The following ZBTB8OS variants were observed in gnomAD, a reference collection of about 807,000 sequenced individuals.
ZBTB8OS encodes tRNA-splicing ligase-activating factor archease.
A neutral mutation model predicts 29.3 loss-of-function variants in ZBTB8OS; 16 were observed. The observed-to-expected ratio is 0.55, with a 90% CI of 0.37 to 0.83. The LOEUF (loss-of-function observed/expected upper bound fraction) is 0.83. Ranked by LOEUF, ZBTB8OS falls within the 40% of genes least tolerant of loss-of-function variation. ZBTB8OS has a pLI of 0.00. For synonymous variants in ZBTB8OS, 70 were observed against 64.6 expected (o/e 1.08, Z -0.40); for missense variants, 160 against 196.9 (o/e 0.81, Z 1.12).
Position 32,621,569 on chromosome 1 carries a change from G to A in ZBTB8OS, c.*293C>T, listed in dbSNP as rs1215742785. 2.4e-5 allele frequency: 8 copies of A among 335,416 alleles called. No individual in the cohort carries two copies. Among genetic ancestry groups the A allele is most frequent in the Non-Finnish European group, 4.3e-5 (8 of 185,790 alleles). 20.8% of individuals were successfully genotyped at this position (335,416 alleles called of 1,614,324 possible). A position where few individuals can be genotyped will look rare whatever the true frequency, so the allele number is the denominator to read the frequency against. ...TCTCTGGGGTGAGGCTGGAGGGCTT[G>A]CATTGCACTGGAAGGGCATGAGGCA... On this transcript the variant is annotated 3_prime_UTR_variant, in exon 7 of 7. Coordinates refer to ENST00000468695, the MANE Select transcript of ZBTB8OS (RefSeq NM_178547.5).
chr1:32,647,527 A>G (rs1226919503), intron 1 of ZBTB8OS, among the ~76,000 whole-genome samples: 1 of 152,078 alleles, frequency 6.6e-6, no homozygotes, highest in Non-Finnish European at 1.5e-5. Flanking sequence ...GTTAGGAACC[A>G]GGCAGCACAG....
intron 4 of ZBTB8OS, among the ~76,000 whole-genome samples, chr1:32,632,909 T>C (rs1417223721): frequency 2.0e-5 from 3 of 152,142 alleles, no homozygotes; most frequent in Non-Finnish European, 4.4e-5. Context: ...AAACTACTGG[T>C]AGGCACTTGA....
At chr1:32,636,717 G>A (rs1012377556) in intron 1 of ZBTB8OS, among the ~76,000 whole-genome samples, 3 of 151,644 alleles carry the variant, frequency 2.0e-5, no homozygotes, top group East Asian at 1.9e-4. Context: ...AGGTGGGGGG[G>A]AAGAAGAGGG....
intron 6 of ZBTB8OS, among the ~76,000 whole-genome samples, chr1:32,625,515 T>C (rs978542751): frequency 6.6e-6 from 1 of 151,770 alleles, no homozygotes. Flanking sequence ...GCCTGGGCAA[T>C]AGCATGAGAC....
chr1:32,631,806 TAAAAG>T lies in ZBTB8OS; in HGVS notation c.380+16_380+20del. 6.4e-7 allele frequency: 1 copy of T among 1,557,054 alleles called. No homozygotes were observed. Among genetic ancestry groups the T allele is most frequent in the East Asian group, 2.3e-5 (1 of 44,226 alleles). On this transcript the variant is annotated intron_variant, in intron 5 of 6. Coordinates refer to ENST00000468695, the MANE Select transcript of ZBTB8OS (RefSeq NM_178547.5). ...AAGAATATAACTTTAACTCGGTACT[TAAAAG>T]ACTTTCAAAACTTACCCAATTGATC...
intron 1 of ZBTB8OS, among the ~76,000 whole-genome samples, chr1:32,636,285 C>T (rs886449357): frequency 4.6e-5 from 7 of 152,206 alleles, no homozygotes; most frequent in African/African-American, 1.4e-4. Context: ...CGGTCTCAAG[C>T]ACAACCAGCT....
Position 32,633,717 on chromosome 1 carries a change from T to C in ZBTB8OS, c.255A>G (p.Leu85=). The C allele has an allele frequency of 1.2e-6, 2 of 1,605,478 alleles. No homozygotes were observed. Among genetic ancestry groups the C allele is most frequent in the Non-Finnish European group, 1.7e-6 (2 of 1,176,986 alleles). The change falls in exon 4 of 7, where the codon TTA becomes TTG. Residue 85 remains leucine (L), a synonymous_variant. Transcript: ENST00000468695. ...CCAAAAAGTGAAACAGAAGAGACTG[T>C]AAGTCATCTCCTACACAAGATCAAA... ...TVEVETQGDD[L]QSLLFHFLDE...
At chr1:32,635,214 C>T (rs3954228) in intron 1 of ZBTB8OS, among the ~76,000 whole-genome samples, 20,524 of 151,686 alleles carry the variant, frequency 0.14, 2,858 homozygotes, top group African/African-American at 0.35. Flanking sequence ...AAGTAACAAA[C>T]GGTACTATAG....
chr1:32,648,362 A>C (rs1647011930), intron 1 of ZBTB8OS, among the ~76,000 whole-genome samples: 1 of 152,218 alleles, frequency 6.6e-6, no homozygotes, highest in Admixed American at 6.5e-5. Flanking sequence ...GAAACAAAAA[A>C]AACTTGGAGA....
chr1:32,640,511 G>T (rs550530090), intron 1 of ZBTB8OS, among the ~76,000 whole-genome samples: 22 of 152,126 alleles, frequency 1.4e-4, no homozygotes, highest in African/African-American at 5.3e-4. Context: ...CACTTAGAAT[G>T]AATCTTTTTG....
At chr1:32,644,412 G>C (rs1314749316) in intron 1 of ZBTB8OS, among the ~76,000 whole-genome samples, 2 of 152,030 alleles carry the variant, frequency 1.3e-5, no homozygotes, top group African/African-American at 4.8e-5. Flanking sequence ...GGTGATTAAG[G>C]GAAAAGGGAG....
intron 1 of ZBTB8OS, among the ~76,000 whole-genome samples, chr1:32,636,265 A>G (rs1246389459): frequency 6.6e-6 from 1 of 152,194 alleles, no homozygotes; most frequent in Non-Finnish European, 1.5e-5. Context: ...TGATTTGAGT[A>G]ATAAAACTCC....
intron 1 of ZBTB8OS, among the ~76,000 whole-genome samples, chr1:32,649,256 C>T (rs1275935774): frequency 6.6e-6 from 1 of 152,042 alleles, no homozygotes; most frequent in Non-Finnish European, 1.5e-5. Context: ...GTGTGAGCCA[C>T]CGCAAACGGC....
At chr1:32,636,385 G>T (rs768751514) in intron 1 of ZBTB8OS, among the ~76,000 whole-genome samples, 3 of 152,032 alleles carry the variant, frequency 2.0e-5, no homozygotes, top group African/African-American at 4.8e-5. Context: ...CCATTGGGCG[G>T]TTACACTTAT....
Position 32,633,975 on chromosome 1 carries a change from G to C in ZBTB8OS, c.220C>G (p.Gln74Glu), listed in dbSNP as rs148631428. 1.4e-5 allele frequency: 23 copies of C among 1,589,488 alleles called. No homozygotes were observed. The African/African-American group carries it at 2.6e-4, about 18-fold the overall frequency. ...MTDTGTVEPL[Q>E]TVEVETQGDD... ...CCTTGGGTTTCTACTTCTACTGTTT[G>C]GAGGGGCTCCACTGTCCCAGTATCT... Residue 74 changes from glutamine to glutamate, a missense_variant, in exon 3 of 7, where the codon CAA becomes GAA. Physicochemically the swap from Gln to Glu is conservative, Grantham distance 29. Coordinates refer to ENST00000468695, the MANE Select transcript of ZBTB8OS (RefSeq NM_178547.5).
At chr1:32,625,671 G>T (rs754486208) in intron 6 of ZBTB8OS, among the ~76,000 whole-genome samples, 1 of 151,854 alleles carries the variant, frequency 6.6e-6, no homozygotes, top group African/African-American at 2.4e-5. Flanking sequence ...TAGGAGTTTC[G>T]GATCAGCCTG....
chr1:32,634,319 T>G (rs1045147758), intron 2 of ZBTB8OS: 14 of 316,866 alleles, frequency 4.4e-5, no homozygotes, highest in Middle Eastern at 8.7e-4. Context: ...CTCTGCCTCC[T>G]GGGTTCAAGC....
intron 6 of ZBTB8OS, among the ~76,000 whole-genome samples, chr1:32,624,342 T>G (rs1480650091): frequency 6.6e-6 from 1 of 152,190 alleles, no homozygotes; most frequent in Non-Finnish European, 1.5e-5. Context: ...TCCCACTACA[T>G]TTTAAACTCA....
chr1:32,641,838 G>A (rs995304965), intron 1 of ZBTB8OS, among the ~76,000 whole-genome samples: 4 of 151,722 alleles, frequency 2.6e-5, no homozygotes, highest in African/African-American at 7.2e-5. Flanking sequence ...GGAGAATGGC[G>A]TGAACCCGGG....
Sources: allele counts gnomAD v4.1 joint callset (sites outside exome capture counted in the v4.1 genomes callset), GRCh38; gene constraint gnomAD v4.1.1; transcripts MANE v1.5; gene names NCBI Gene and HGNC (gene_info 2026-07-23, HGNC 2026-07-21).